Variants in CLVS1 observed in about 807,000 individuals in gnomAD.
The protein encoded by CLVS1 is clavesin 1.
Under a neutral mutation model 33.1 loss-of-function variants are expected in CLVS1, and 10 were observed. The observed-to-expected ratio is 0.30, with a 90% CI of 0.19 to 0.51. The LOEUF is 0.51. Among genes scored for constraint, CLVS1 ranks in the 20% least tolerant of loss-of-function variants. The pLI, the probability that CLVS1 is intolerant of heterozygous loss-of-function variation, is 0.97. For synonymous variants in CLVS1, 163 were observed against 166.1 expected (o/e 0.98, Z 0.14); for missense variants, 343 against 433.4 (o/e 0.79, Z 1.85).
intron 5 of CLVS1, among the ~76,000 whole-genome samples, chr8:61,460,877 G>A (rs1319059648): frequency 3.3e-5 from 5 of 152,180 alleles, no homozygotes; most frequent in Admixed American, 2.0e-4. Context: ...TGGTAAAACC[G>A]TTTCATCTCC....
chr8:61,245,408 A>T (rs1039665447), intron 2 of CLVS1, among the ~76,000 whole-genome samples: 4 of 152,008 alleles, frequency 2.6e-5, no homozygotes, highest in African/African-American at 7.3e-5. Context: ...GATGGCCTCA[A>T]TCTCCTGAAC....
At chr8:61,457,952 C>A (rs2350222) in intron 4 of CLVS1, among the ~76,000 whole-genome samples, 86,604 of 152,050 alleles carry the variant, frequency 0.57, 29,151 homozygotes, top group Non-Finnish European at 0.76. Flanking sequence ...GATGGGAGAG[C>A]AGAGCAGTCT....
At chr8:61,073,944 G>C (rs545019408) in intron 1 of CLVS1, among the ~76,000 whole-genome samples, 2 of 149,850 alleles carry the variant, frequency 1.3e-5, no homozygotes, top group East Asian at 3.9e-4. Context: ...CCAGTGGGGC[G>C]GAGCCTGCAG....
At chr8:61,316,499 T>G (rs1017199649) in intron 2 of CLVS1, among the ~76,000 whole-genome samples, 2 of 152,222 alleles carry the variant, frequency 1.3e-5, no homozygotes, top group African/African-American at 4.8e-5. Context: ...AATATCCTAT[T>G]GGGATAGTAT....
chr8:61,010,801 C>T, the CLVS1 span, among the ~76,000 whole-genome samples: 8 of 152,364 alleles, frequency 5.3e-5, no homozygotes, highest in South Asian at 1.7e-3. Context: ...CTGGCACAAT[C>T]CTCTCAGGTT....
In CLVS1 at chr8:61,159,968, T is replaced by G. The variant is rs148019858; in HGVS notation, c.-152+28108T>G. Among the ~76,000 whole-genome samples the G allele has an allele frequency of 7.2e-5, 11 of 152,330 alleles. 1 individual carries two copies. In the East Asian group the frequency reaches 1.9e-3, roughly 27 times the overall value. On this transcript the variant is annotated intron_variant, in intron 2 of 2. Coordinates refer to the CLVS1 transcript ENST00000522621. Reference sequence around the variant, plus strand: ...GGAGGCCTTCAGAAGTATTTATAGTTCTTCTCCACCCAGGCTTAGACTTTT... The same window carrying G: ...GGAGGCCTTCAGAAGTATTTATAGTGCTTCTCCACCCAGGCTTAGACTTTT...
At chr8:61,179,277 A>G (rs1807182570) in intron 2 of CLVS1, among the ~76,000 whole-genome samples, 1 of 152,252 alleles carries the variant, frequency 6.6e-6, no homozygotes, top group Non-Finnish European at 1.5e-5. Flanking sequence ...AAAGGAATCA[A>G]TTCAACAAGA....
chr8:61,038,016 C>T, the CLVS1 span, among the ~76,000 whole-genome samples: 1 of 152,250 alleles, frequency 6.6e-6, no homozygotes, highest in African/African-American at 2.4e-5. Flanking sequence ...TAAGAACTTT[C>T]TGGGTGAGAG....
chr8:61,449,834 C>CTATGTTTAT (rs1816890587), intron 3 of CLVS1, among the ~76,000 whole-genome samples: 2 of 152,174 alleles, frequency 1.3e-5, no homozygotes, highest in African/African-American at 4.8e-5. Flanking sequence ...TTCTCTCCAC[C>CTATGTTTAT]TTTGAAGTCT....
intron 2 of CLVS1, among the ~76,000 whole-genome samples, chr8:61,200,936 A>G (rs1355033478): frequency 1.3e-5 from 2 of 152,162 alleles, no homozygotes; most frequent in Admixed American, 1.3e-4. Flanking sequence ...GCCATGTACC[A>G]TATGATTTTG....
At chr8:61,493,775 A>C (rs1317003555) in intron 5 of CLVS1, among the ~76,000 whole-genome samples, 1 of 152,222 alleles carries the variant, frequency 6.6e-6, no homozygotes, top group Non-Finnish European at 1.5e-5. Flanking sequence ...TGTTGACTTT[A>C]AGAAAGAAAG....
rs1002483620 is a variant in CLVS1 at position 61,350,537 on chromosome 8, C to T, written c.456-26068C>T. ...TTTGGATCCTGAATGGCAGTTTTACCCTGAAGATAAGGTAATGCTGTAATC... is the reference window on the plus strand; with the variant it reads ...TTTGGATCCTGAATGGCAGTTTTACTCTGAAGATAAGGTAATGCTGTAATC... On this transcript the variant is annotated intron_variant, in intron 2 of 5. Transcript: ENST00000325897. 8.6e-5 allele frequency among the ~76,000 whole-genome samples: 13 copies of T among 151,964 alleles called. No homozygotes were observed. The East Asian group carries it at 2.5e-3, about 29-fold the overall frequency.
intron 1 of CLVS1, among the ~76,000 whole-genome samples, chr8:61,109,234 T>TAAGGAAAATATTACTCTTA (rs1305083260): frequency 6.6e-6 from 1 of 152,074 alleles, no homozygotes; most frequent in Non-Finnish European, 1.5e-5. Flanking sequence ...ATTTGCAATG[T>TAAGGAAAATATTACTCTTA]AAGGAAAATA....
intron 2 of CLVS1, among the ~76,000 whole-genome samples, chr8:61,180,533 C>T (rs182813243): frequency 1.8e-4 from 27 of 152,030 alleles, no homozygotes; most frequent in Admixed American, 1.6e-3. Context: ...AAAGAGACAA[C>T]AAAAAAATAA....
At chr8:61,220,711 T>C (rs879217806) in intron 2 of CLVS1, among the ~76,000 whole-genome samples, 2 of 152,150 alleles carry the variant, frequency 1.3e-5, no homozygotes, top group African/African-American at 4.8e-5. Context: ...TCAGTGGTAG[T>C]TTGATGGGAA....
intron 2 of CLVS1, among the ~76,000 whole-genome samples, chr8:61,211,523 G>T (rs902817107): frequency 6.6e-6 from 1 of 151,958 alleles, no homozygotes; most frequent in African/African-American, 2.4e-5. Context: ...TGAAATGTTT[G>T]TGGGATGAAG....
chr8:61,161,579 T>C (rs1014039651), intron 2 of CLVS1, among the ~76,000 whole-genome samples: 5 of 152,158 alleles, frequency 3.3e-5, no homozygotes, highest in African/African-American at 1.2e-4. Flanking sequence ...ACCTCACTCA[T>C]ATGTGGAGTC....
chr8:61,193,199 G>A (rs1807530393), intron 2 of CLVS1, among the ~76,000 whole-genome samples: 1 of 152,108 alleles, frequency 6.6e-6, no homozygotes, highest in African/African-American at 2.4e-5. Context: ...CATAAAAAAG[G>A]GTGAGCTCAT....
At chr8:61,391,792 C>T (rs111754825) in intron 3 of CLVS1, among the ~76,000 whole-genome samples, 2,884 of 152,136 alleles carry the variant, frequency 0.019, 75 homozygotes, top group African/African-American at 0.065. Flanking sequence ...TATAGGGCAG[C>T]ATTAAAGTAG....
Sources: gnomAD v4.1 joint callset for allele counts (sites outside exome capture counted in the v4.1 genomes callset) on GRCh38, gnomAD v4.1.1 for gene constraint, MANE v1.5 for transcripts, NCBI Gene and HGNC (gene_info 2026-07-23, HGNC 2026-07-21) for gene names.